Variants in HMCN2 observed in about 807,000 individuals in gnomAD.
The protein encoded by HMCN2 is hemicentin-2.
Under a neutral mutation model 377.5 loss-of-function variants are expected in HMCN2, and 325 were observed. That is an observed-to-expected ratio of 0.86 (90% CI 0.79 to 0.94). The LOEUF is 0.94. HMCN2 is among the 40% of genes least tolerant of loss of function. The pLI is 0.00. For missense variants in HMCN2, 4,543 were observed against 4,725.3 expected (o/e 0.96, Z 1.13); for synonymous variants, 2,007 against 2,046.8 (o/e 0.98, Z 0.53).
chr9:130,425,848 G>A lies in HMCN2; in HGVS notation c.13803G>A (p.Arg4601=). ...AGCCCCAGCTGGTGCAGCACCTGCGGGCCTCAGCTATCAGCTCGGCCTTTG... is the reference window on the plus strand; with the variant it reads ...AGCCCCAGCTGGTGCAGCACCTGCGAGCCTCAGCTATCAGCTCGGCCTTTG... The part of the protein sequence containing the change: ...GPQPQLVQHL[R]ASAISSAFDP... The change falls in exon 90 of 98, where the codon CGG becomes CGA. Residue 4601 remains arginine, a synonymous_variant. Coordinates refer to ENST00000683500, the MANE Select transcript of HMCN2 (RefSeq NM_001291815.2). 1.9e-6 allele frequency: 3 copies of A among 1,550,448 alleles called. No individual in the cohort carries two copies. Among genetic ancestry groups the A allele is most frequent in the Non-Finnish European group, 2.6e-6 (3 of 1,146,956 alleles).
chr9:130,432,887 G>A, intron 97 of HMCN2: 1 of 380,026 alleles, frequency 2.6e-6, no homozygotes, highest in Non-Finnish European at 4.8e-6. Flanking sequence ...CTTAGGGGTG[G>A]CAGCTGCTGC....
At position 130,376,574 on chromosome 9, in the gene HMCN2, G is replaced by C. The variant is rs1841392332; in HGVS notation, c.7977G>C (p.Lys2659Asn). 1.0e-6 allele frequency: 1 copy of C among 985,854 alleles called. No individual in the cohort carries two copies. The highest frequency in any genetic ancestry group is 1.7e-5 in the African/African-American group (1 of 57,354). The allele number at this position is 985,854 out of a possible 1,614,324, so 61.1% of individuals were successfully genotyped here. ...CGGAGGTCGGCGTGAAGGAGGTGAAGACCAAGGTCAACAGCACCTTGACCT... is the reference window on the plus strand; with the variant it reads ...CGGAGGTCGGCGTGAAGGAGGTGAACACCAAGGTCAACAGCACCTTGACCT... Reference protein sequence around the residue: ...PLAEVGVKEVKTKVNSTLTLE... With the variant: ...PLAEVGVKEVNTKVNSTLTLE... The change falls in exon 52 of 98, where the codon AAG (lysine) becomes AAC (asparagine). Residue 2659 changes from lysine to asparagine, a missense_variant. By Grantham distance (94) the Lys-to-Asn change is moderately conservative (BLOSUM62 0). This residue lies in a region of HMCN2 where 736 missense variants were observed against 773.2 expected (regional missense o/e 0.95). Transcript: ENST00000683500.
At position 130,304,819 on chromosome 9, in the gene HMCN2, C is replaced by T. The variant is rs988577372; in HGVS notation, c.1633C>T (p.Pro545Ser). 6 of 471,046 alleles carry T rather than the reference C, an allele frequency of 1.3e-5. No homozygotes were observed. The highest frequency in any genetic ancestry group is 1.0e-4 in the African/African-American group (5 of 50,078). 29.2% of individuals were successfully genotyped at this position (471,046 alleles called of 1,614,324 possible). A position where few individuals can be genotyped will look rare whatever the true frequency, so the allele number is the denominator to read the frequency against. ...VLSCRVLGEA[P>S]YNLTWVRDWR... ...ATCCTGCCGGGTCCTAGGCGAGGCC[C>T]CCTACAACCTGACGTGGGTCCGGGA... The change falls in exon 11 of 98, where the codon CCC becomes TCC. Residue 545 changes from proline to serine, a missense_variant. By Grantham distance (74) the Pro-to-Ser change is moderately conservative. Coordinates refer to ENST00000683500, the MANE Select transcript of HMCN2 (RefSeq NM_001291815.2). This position sits in a 1 kb window ranked among gnomAD's most constrained non-coding sequence, Gnocchi z 4.3.
chr9:130,289,484 G>A (rs1175558688), intron 4 of HMCN2, among the ~76,000 whole-genome samples: 2 of 152,126 alleles, frequency 1.3e-5, no homozygotes, highest in Non-Finnish European at 2.9e-5. Context: ...AAGAGGCCTG[G>A]CTTCAGACCT....
intron 53 of HMCN2, among the ~76,000 whole-genome samples, chr9:130,378,921 C>T (rs1166132471): frequency 6.6e-6 from 1 of 152,118 alleles, no homozygotes; most frequent in Non-Finnish European, 1.5e-5. Context: ...TGATTTTGTG[C>T]CTCTATGCTC....
chr9:130,336,346 G>T (rs1838746793), intron 22 of HMCN2, among the ~76,000 whole-genome samples: 1 of 152,176 alleles, frequency 6.6e-6, no homozygotes, highest in Non-Finnish European at 1.5e-5. Flanking sequence ...AAAACTTTGT[G>T]TATTATTTAT....
At chr9:130,363,832 AAAG>A (rs1489035169) in intron 40 of HMCN2, among the ~76,000 whole-genome samples, 26 of 150,666 alleles carry the variant, frequency 1.7e-4, no homozygotes, top group South Asian at 6.3e-4. Flanking sequence ...AAAAAAAAAA[AAAG>A]AAAGAAAGAG....
intron 15 of HMCN2, among the ~76,000 whole-genome samples, chr9:130,313,607 C>CCCT (rs1457232991): frequency 6.6e-6 from 1 of 151,800 alleles, no homozygotes; most frequent in Non-Finnish European, 1.5e-5. Flanking sequence ...GGCACCCCCC[C>CCCT]CCATAAACCT....
chr9:130,301,920 C>T (rs1273587104), intron 8 of HMCN2, among the ~76,000 whole-genome samples: 1 of 152,232 alleles, frequency 6.6e-6, no homozygotes. Flanking sequence ...CTGTGTCACT[C>T]CAAGACCAGG....
chr9:130,347,978 G>T lies in HMCN2; in HGVS notation c.4025-567G>T, dbSNP rs141343192. 1.0e-6 allele frequency: 1 copy of T among 985,266 alleles called. No homozygotes were observed. Among genetic ancestry groups the T allele is most frequent in the African/African-American group, 1.7e-5 (1 of 57,324 alleles). The allele number at this position is 985,266 out of a possible 1,614,324, so 61.0% of individuals were successfully genotyped here. A position where few individuals can be genotyped will look rare whatever the true frequency, so the allele number is the denominator to read the frequency against. On this transcript the variant is annotated intron_variant, in intron 26 of 97. Coordinates refer to ENST00000683500, the MANE Select transcript of HMCN2 (RefSeq NM_001291815.2). This position sits in a 1 kb window ranked among gnomAD's most constrained non-coding sequence, Gnocchi z 5.1. The stretch of plus-strand genomic sequence containing the variant: ...CATTCTTGTCCTCAGCAGGGAGAGC[G>T]CCCACCCCCACATCCAGGGTGCTAT...
intron 40 of HMCN2, among the ~76,000 whole-genome samples, chr9:130,364,432 C>A (rs1031048561): frequency 7.9e-5 from 12 of 152,230 alleles, no homozygotes; most frequent in Non-Finnish European, 2.9e-5. Context: ...TTTGAGATAA[C>A]TGTGGATAAT....
rs963889540 is a variant in HMCN2 at position 130,394,536 on chromosome 9, C to G, written c.10653C>G (p.Asn3551Lys). ...AGGCCCTGACCAGGCTGGAGAACAA[C>G]AGCAGAGCCACACGGGTGCTCCGGG... ...DGQALTRLEN[N>K]SRATRVLRVE... Residue 3551 changes from asparagine (N) to lysine (K), a missense_variant, in exon 69 of 98, where the codon AAC (asparagine) becomes AAG (lysine). Asn to Lys is a moderately conservative substitution (Grantham distance 94). Around this residue, in one of 5 missense-constraint regions of HMCN2, gnomAD observed 1,073 missense variants for 1,319.5 expected, o/e 0.81. Coordinates refer to ENST00000683500, the MANE Select transcript of HMCN2 (RefSeq NM_001291815.2). This position sits in a 1 kb window ranked among gnomAD's most constrained non-coding sequence, Gnocchi z 5.1. The G allele has an allele frequency of 7.8e-7, 1 of 1,289,436 alleles. No homozygotes were observed. The highest frequency in any genetic ancestry group is 1.5e-5 in the African/African-American group (1 of 65,882). The allele number at this position is 1,289,436 out of a possible 1,614,324, so 79.9% of individuals were successfully genotyped here.
At chr9:130,345,015 TGG>T (rs1839284419) in intron 25 of HMCN2, among the ~76,000 whole-genome samples, 1 of 150,478 alleles carries the variant, frequency 6.6e-6, no homozygotes, top group African/African-American at 2.5e-5. Context: ...TGTATAGTTT[TGG>T]TGTGTGTGTG....
chr9:130,354,353 C>T (rs1218192188), intron 31 of HMCN2, among the ~76,000 whole-genome samples: 1 of 152,206 alleles, frequency 6.6e-6, no homozygotes, highest in Non-Finnish European at 1.5e-5. Flanking sequence ...AGGTCTGCCC[C>T]AGTCTTCTGC....
At chr9:130,374,736 A>G in intron 49 of HMCN2, 43 bp downstream of exon 49, 1 of 958,516 alleles carries the variant, frequency 1.0e-6, no homozygotes, top group Non-Finnish European at 1.2e-6. Context: ...TGCTGGAGGG[A>G]GGGAGAAGCA....
chr9:130,265,925 C>CGGCAGT lies in HMCN2; in HGVS notation c.63_68dup (p.Val22_Ala23dup), dbSNP rs55994950. 1.8e-4 allele frequency: 76 copies of CGGCAGT among 428,086 alleles called. No homozygotes were observed. Among genetic ancestry groups the CGGCAGT allele is most frequent in the African/African-American group, 1.4e-3 (66 of 48,114 alleles). 26.5% of individuals were successfully genotyped at this position (428,086 alleles called of 1,614,324 possible). ...CTGCGGCTGCTGACCGCGGTCTCTG[C>CGGCAGT]GGCAGTGGCAGTGGCAGTGGCCGGG... On this transcript the variant is annotated inframe_insertion, in exon 1 of 98. Coordinates refer to ENST00000683500, the MANE Select transcript of HMCN2 (RefSeq NM_001291815.2).
rs1468818443 is a variant in HMCN2, at chr9:130,425,005, G to C, written c.13520-4G>C. 1 of 1,542,792 alleles carries C rather than the reference G, an allele frequency of 6.5e-7. No homozygotes were observed. The highest frequency in any genetic ancestry group is 1.2e-5 in the South Asian group (1 of 82,506). On this transcript the variant is annotated splice_polypyrimidine_tract_variant and splice_region_variant and intron_variant, in intron 88 of 97. Transcript: ENST00000683500. ...ACTCTGGGCTGGGTGGGGATGGTTT[G>C]CAGGGGAGCTGCTCACGATGACCCA...
rs770392783 is a variant in HMCN2 at position 130,422,590 on chromosome 9, G to C, written c.13245G>C (p.Gly4415=). ...AFLVVRGEPQ[G]SWGSMTGVIN... ...CCTTCCTTACAGGGGAGCCCCAGGG[G>C]AGCTGGGGCAGCATGACTGGGGTGA... is the stretch of plus-strand genomic sequence containing the variant. The change falls in exon 87 of 98, where the codon GGG becomes GGC. Residue 4415 remains glycine (G), a synonymous_variant. Coordinates refer to ENST00000683500, the MANE Select transcript of HMCN2 (RefSeq NM_001291815.2). This position sits in a 1 kb window ranked among gnomAD's most constrained non-coding sequence, Gnocchi z 4.2. 6.1e-6 allele frequency: 8 copies of C among 1,320,938 alleles called. No individual in the cohort carries two copies. Among genetic ancestry groups the C allele is most frequent in the Non-Finnish European group, 7.8e-6 (8 of 1,029,194 alleles). The allele number at this position is 1,320,938 out of a possible 1,614,324, so 81.8% of individuals were successfully genotyped here. A position where few individuals can be genotyped will look rare whatever the true frequency, so the allele number is the denominator to read the frequency against.
intron 29 of HMCN2, among the ~76,000 whole-genome samples, chr9:130,350,730 C>CAA (rs145043349): frequency 1.2e-4 from 18 of 148,114 alleles, no homozygotes; most frequent in African/African-American, 3.8e-4. Context: ...ACTAAAAATA[C>CAA]AAAAATATAT....
Sources: gnomAD v4.1 joint callset for allele counts (sites outside exome capture counted in the v4.1 genomes callset) on GRCh38, gnomAD v4.1.1 for gene constraint, gnomAD v4.1.1 regional missense constraint, Gnocchi (gnomAD v3.1) non-coding constraint, MANE v1.5 for transcripts, NCBI Gene and HGNC (gene_info 2026-07-23, HGNC 2026-07-21) for gene names.